Variants in CDH4 observed in about 807,000 individuals in gnomAD.
CDH4 encodes cadherin 4.
In CDH4, 33 loss-of-function variants were observed where a neutral mutation model predicts 86.0. That is an observed-to-expected ratio of 0.38 (90% CI 0.29 to 0.51). The LOEUF (loss-of-function observed/expected upper bound fraction) is 0.51, where lower values mean the gene tolerates loss of function less well. Among genes scored for constraint, CDH4 ranks in the 20% least tolerant of loss-of-function variants. The pLI is 0.86. For synonymous variants in CDH4, 555 were observed against 549.4 expected, an observed-to-expected ratio of 1.01 and a Z score of -0.14; for missense variants, 1,114 against 1,307.4, an observed-to-expected ratio of 0.85 and a Z score of 2.28.
intron 2 of CDH4, among the ~76,000 whole-genome samples, chr20:61,526,367 C>T (rs969243697): frequency 1.3e-5 from 2 of 152,108 alleles, no homozygotes; most frequent in Admixed American, 1.3e-4. Context: ...CTGACATCCT[C>T]GGTGGAGGCA....
intron 2 of CDH4, among the ~76,000 whole-genome samples, chr20:61,723,351 G>A (rs2088064530): frequency 6.6e-6 from 1 of 152,192 alleles, no homozygotes; most frequent in Non-Finnish European, 1.5e-5. Context: ...CCCCTCCCGG[G>A]GCCCTCTGAG....
chr20:61,524,015 A>C lies in CDH4; in HGVS notation c.170-219548A>C, dbSNP rs553261867. ...CTACCCATTAAAAGACCCAGAAGCC[A>C]CTTGTGAACTGTAGGGCTTCCCAAA... On this transcript the variant is annotated intron_variant, in intron 2 of 15. Transcript: ENST00000614565. Among the ~76,000 whole-genome samples, 694 of 152,320 alleles carry C rather than the reference A, an allele frequency of 4.6e-3. 3 individuals carry two copies. Among genetic ancestry groups the C allele is most frequent in the Middle Eastern group, 0.014 (4 of 294 alleles).
rs1229193439 is a variant in CDH4 at position 61,518,520 on chromosome 20, A to G, written c.170-225043A>G. 2.6e-5 allele frequency among the ~76,000 whole-genome samples: 4 copies of G among 151,144 alleles called. No homozygotes were observed. The highest frequency in any genetic ancestry group is 5.9e-5 in the Non-Finnish European group (4 of 67,782). ...TCATCATCCATCCATCCGTCCATCTATCATCCATCCATCTATCCATCATTC... is the reference window on the plus strand; with the variant it reads ...TCATCATCCATCCATCCGTCCATCTGTCATCCATCCATCTATCCATCATTC... On this transcript the variant is annotated intron_variant, in intron 2 of 15. Coordinates refer to ENST00000614565, the MANE Select transcript of CDH4 (RefSeq NM_001794.5). The surrounding 1 kb of genome is among the most constrained non-coding windows in gnomAD (Gnocchi z 6.3).
At chr20:61,726,970 A>G (rs1363660482) in intron 2 of CDH4, among the ~76,000 whole-genome samples, 2 of 151,526 alleles carry the variant, frequency 1.3e-5, no homozygotes, top group Non-Finnish European at 2.9e-5. Flanking sequence ...CATCAGTGCC[A>G]TCATCGCCAC....
At chr20:61,357,785 C>A (rs1034914584) in intron 2 of CDH4, among the ~76,000 whole-genome samples, 1 of 152,208 alleles carries the variant, frequency 6.6e-6, no homozygotes, top group African/African-American at 2.4e-5. Context: ...GTGCCGGCCT[C>A]ACAAAGCAGA....
intron 2 of CDH4, among the ~76,000 whole-genome samples, chr20:61,565,060 T>TC (rs2086254093): frequency 8.1e-6 from 1 of 122,868 alleles, no homozygotes; most frequent in Non-Finnish European, 1.7e-5. Context: ...CTGGTGGTGC[T>TC]CTTGGTGGTG....
chr20:61,863,271 T>C (rs6089527), intron 6 of CDH4, among the ~76,000 whole-genome samples: 138,242 of 152,274 alleles, frequency 0.91, 64,187 homozygotes, highest in East Asian at 1. Flanking sequence ...GACGAGGCTG[T>C]TCCTCACCTG....
chr20:61,797,909 G>C (rs1389709939), intron 4 of CDH4, among the ~76,000 whole-genome samples: 2 of 152,348 alleles, frequency 1.3e-5, no homozygotes, highest in East Asian at 3.9e-4. Flanking sequence ...TGCAGGACAC[G>C]GACCGCAGGT....
rs183029398 is a variant in CDH4 at position 61,289,630 on chromosome 20, A to G, written c.169+34693A>G. ...CCTTTGAGGCTTGCTTGGTGATGTC[A>G]TGGAAAACAGCATATGACACCAAGA... On this transcript the variant is annotated intron_variant, in intron 2 of 15. Coordinates refer to ENST00000614565, the MANE Select transcript of CDH4 (RefSeq NM_001794.5). 2.5e-3 allele frequency among the ~76,000 whole-genome samples: 387 copies of G among 152,318 alleles called. 4 individuals carry two copies. Among genetic ancestry groups the G allele is most frequent in the African/African-American group, 7.7e-3 (320 of 41,582 alleles).
intron 2 of CDH4, among the ~76,000 whole-genome samples, chr20:61,398,620 T>C (rs1438866853): frequency 1.3e-5 from 2 of 152,026 alleles, no homozygotes; most frequent in Admixed American, 6.6e-5. Flanking sequence ...CTCAACTGAT[T>C]GGACAAGGCG....
At chr20:61,579,751 G>A (rs1429158886) in intron 2 of CDH4, among the ~76,000 whole-genome samples, 1 of 152,056 alleles carries the variant, frequency 6.6e-6, no homozygotes, top group South Asian at 2.1e-4. Context: ...ATTGAGCTAC[G>A]AATCTCCATG....
At chr20:61,574,130 C>T (rs1381540489) in intron 2 of CDH4, among the ~76,000 whole-genome samples, 1 of 152,358 alleles carries the variant, frequency 6.6e-6, no homozygotes, top group Non-Finnish European at 1.5e-5. Flanking sequence ...CTGGGCCCCT[C>T]GCCTGGAGCT....
At chr20:61,837,608 C>T (rs927297508) in intron 4 of CDH4, among the ~76,000 whole-genome samples, 1 of 152,040 alleles carries the variant, frequency 6.6e-6, no homozygotes, top group Non-Finnish European at 1.5e-5. Flanking sequence ...CTCTTCTGTG[C>T]CTGCTTCAGG....
intron 2 of CDH4, among the ~76,000 whole-genome samples, chr20:61,680,188 A>G (rs1284796257): frequency 6.6e-6 from 1 of 152,212 alleles, no homozygotes; most frequent in African/African-American, 2.4e-5. Context: ...ACCATAGCCC[A>G]GTCACCACCC....
intron 2 of CDH4, among the ~76,000 whole-genome samples, chr20:61,502,961 A>G (rs1372347403): frequency 6.6e-6 from 1 of 152,214 alleles, no homozygotes; most frequent in East Asian, 1.9e-4. Context: ...CACCGTGAGC[A>G]TTTCTGCACG....
rs1282516487 is a variant in CDH4 at position 61,773,089 on chromosome 20, C to T, written c.483C>T (p.Ala161=). 6.2e-7 allele frequency: 1 copy of T among 1,613,486 alleles called. No homozygotes were observed. Among genetic ancestry groups the T allele is most frequent in the Non-Finnish European group, 8.5e-7 (1 of 1,179,894 alleles). The change falls in exon 4 of 16, where the codon GCC becomes GCT. Residue 161 remains alanine (A), a synonymous_variant. Transcript: ENST00000614565. ...TLLPWPQHQN[A]NGLRRRKRDW... ...TGCCGTGGCCCCAGCACCAGAACGC[C>T]AACGGGCTGAGGCGGCGCAAACGGG...
chr20:61,283,414 G>A (rs1260526545), intron 2 of CDH4, among the ~76,000 whole-genome samples: 3 of 137,956 alleles, frequency 2.2e-5, no homozygotes, highest in African/African-American at 5.4e-5. Flanking sequence ...TGTGTGATGT[G>A]TGTGCGTTTG....
rs143124040 is a variant in CDH4 at position 61,274,621 on chromosome 20, G to A, written c.169+19684G>A. ...CTTGGGGGAGTACCGTGTGCAGTTT[G>A]GAGGAGTACGGTGTGCAGTTTGCAG... is the stretch of plus-strand genomic sequence containing the variant. On this transcript the variant is annotated intron_variant, in intron 2 of 15. Transcript: ENST00000614565. 1.1e-3 allele frequency among the ~76,000 whole-genome samples: 161 copies of A among 150,526 alleles called. 1 individual carries two copies. The highest frequency in any genetic ancestry group is 3.6e-3 in the African/African-American group (145 of 40,836).
chr20:61,913,096 G>A lies in CDH4; in HGVS notation c.1374+2489G>A, dbSNP rs531783250. On this transcript the variant is annotated intron_variant, in intron 9 of 15. Transcript: ENST00000614565. ...GAGGTATCTCTGACTCCCACAGCTC[G>A]GATTCTGTGGCCTTCACGGGGAGCA... is the stretch of plus-strand genomic sequence containing the variant. Among the ~76,000 whole-genome samples, 5 of 152,224 alleles carry A rather than the reference G, an allele frequency of 3.3e-5. No homozygotes were observed. In the South Asian group the frequency reaches 6.2e-4, roughly 19 times the overall value.
Sources: gnomAD v4.1 joint callset for allele counts (sites outside exome capture counted in the v4.1 genomes callset) on GRCh38, gnomAD v4.1.1 for gene constraint, Gnocchi (gnomAD v3.1) non-coding constraint, MANE v1.5 for transcripts, NCBI Gene and HGNC (gene_info 2026-07-23, HGNC 2026-07-21) for gene names.